CNBD1: variants seen among roughly 807,000 people sequenced by gnomAD.
CNBD1 encodes cyclic nucleotide binding domain containing 1.
A neutral mutation model predicts 54.4 loss-of-function variants in CNBD1; 71 were observed. The observed-to-expected ratio is 1.30, with a 90% CI of 1.08 to 1.59. CNBD1 has a LOEUF of 1.59. Ranked by LOEUF, CNBD1 falls within the 40% of genes most tolerant of loss-of-function variation. CNBD1 has a pLI of 0.00. For synonymous variants in CNBD1, 182 were observed against 170.7 expected (o/e 1.07, Z -0.51); for missense variants, 659 against 518.0 (o/e 1.27, Z -2.64).
chr8:86,963,110 C>T (rs1233138216), intron 4 of CNBD1, among the ~76,000 whole-genome samples: 1 of 152,130 alleles, frequency 6.6e-6, no homozygotes, highest in Non-Finnish European at 1.5e-5. Context: ...GGAGAAAAGG[C>T]ATCCCTCTTA....
At chr8:87,419,312 G>A (rs749129911) in intron 2 of CNBD1, among the ~76,000 whole-genome samples, 1 of 151,808 alleles carries the variant, frequency 6.6e-6, no homozygotes, top group Non-Finnish European at 1.5e-5. Flanking sequence ...AAGTAGAGAT[G>A]GAAAGTGAGT....
At chr8:87,341,566 A>G (rs1226054012) in intron 8 of CNBD1, among the ~76,000 whole-genome samples, 2 of 152,182 alleles carry the variant, frequency 1.3e-5, no homozygotes, top group African/African-American at 2.4e-5. Context: ...TTGCTGTTGT[A>G]ATAGTATTAA....
intron 8 of CNBD1, among the ~76,000 whole-genome samples, chr8:87,332,876 G>T (rs953126691): frequency 6.6e-6 from 1 of 152,050 alleles, no homozygotes; most frequent in African/African-American, 2.4e-5. Context: ...GGTTCCATAT[G>T]AATTTTAAAG....
intron 2 of CNBD1, among the ~76,000 whole-genome samples, chr8:87,397,480 T>C (rs1284498477): frequency 6.6e-6 from 1 of 151,888 alleles, no homozygotes; most frequent in African/African-American, 2.4e-5. Context: ...AATATAACTT[T>C]GCCACAAAAC....
chr8:87,055,209 G>A (rs113853087), intron 4 of CNBD1, among the ~76,000 whole-genome samples: 3 of 152,164 alleles, frequency 2.0e-5, no homozygotes, highest in Non-Finnish European at 4.4e-5. Context: ...AAAGAAGAAA[G>A]CTCTCCACAG....
chr8:87,045,435 G>A (rs954630612), intron 4 of CNBD1, among the ~76,000 whole-genome samples: 1 of 152,134 alleles, frequency 6.6e-6, no homozygotes, highest in African/African-American at 2.4e-5. Flanking sequence ...ATTGGCTAGA[G>A]GTGTTGATCC....
At chr8:87,181,325 A>G (rs1226448452) in intron 4 of CNBD1, among the ~76,000 whole-genome samples, 1 of 152,202 alleles carries the variant, frequency 6.6e-6, no homozygotes, top group Non-Finnish European at 1.5e-5. Flanking sequence ...TACAATTGAG[A>G]TAGTATATAA....
At chr8:87,314,679 A>G (rs987821613) in intron 8 of CNBD1, among the ~76,000 whole-genome samples, 2 of 152,046 alleles carry the variant, frequency 1.3e-5, no homozygotes, top group African/African-American at 4.8e-5. Flanking sequence ...TTTAAGAAAT[A>G]TAAAATTAAG....
intron 4 of CNBD1, among the ~76,000 whole-genome samples, chr8:87,001,596 T>C (rs1216697929): frequency 6.6e-6 from 1 of 152,210 alleles, no homozygotes; most frequent in Non-Finnish European, 1.5e-5. Context: ...GCTAATGAGC[T>C]AAAGTTGAAT....
intron 4 of CNBD1, among the ~76,000 whole-genome samples, chr8:87,142,632 A>G (rs1812393174): frequency 6.6e-6 from 1 of 152,204 alleles, no homozygotes; most frequent in Admixed American, 6.6e-5. Context: ...TACATATGCA[A>G]AAGTGTACAT....
intron 8 of CNBD1, among the ~76,000 whole-genome samples, chr8:87,325,944 G>T (rs1444762140): frequency 2.7e-5 from 3 of 112,142 alleles, no homozygotes; most frequent in Admixed American, 8.7e-5. Context: ...GCTGGTACCG[G>T]TTGTTCCTTT....
rs145621301 is a variant in CNBD1, at chr8:87,154,833, T to C, written c.432-51160T>C. On this transcript the variant is annotated intron_variant, in intron 4 of 10. Coordinates refer to ENST00000518476, the MANE Select transcript of CNBD1 (RefSeq NM_173538.3). Reference sequence around the variant, plus strand: ...TGGTCTGCCAGGCAGATCGTTAGTGTAGAACGCACCCATTTCCTTCCAGGT... The same window carrying C: ...TGGTCTGCCAGGCAGATCGTTAGTGCAGAACGCACCCATTTCCTTCCAGGT... Among the ~76,000 whole-genome samples, 19 of 152,210 alleles carry C rather than the reference T, an allele frequency of 1.2e-4. No homozygotes were observed. The East Asian group carries it at 3.1e-3, about 25-fold the overall frequency.
chr8:87,343,406 A>G (rs914273587), intron 8 of CNBD1, among the ~76,000 whole-genome samples: 3 of 152,200 alleles, frequency 2.0e-5, no homozygotes, highest in African/African-American at 7.2e-5. Flanking sequence ...AGGCGTAAGA[A>G]ATTATTAAAG....
At position 86,971,712 on chromosome 8, in the gene CNBD1, G is replaced by A. The variant is rs535678160; in HGVS notation, c.431+31958G>A. Reference sequence around the variant, plus strand: ...TTTTATATCGTTTTGTGAATATTTTGTGAATAGGATTATTTTCTTATTATA... The same window carrying A: ...TTTTATATCGTTTTGTGAATATTTTATGAATAGGATTATTTTCTTATTATA... On this transcript the variant is annotated intron_variant, in intron 4 of 10. Transcript: ENST00000518476. 1.4e-4 allele frequency among the ~76,000 whole-genome samples: 22 copies of A among 151,758 alleles called. 1 individual carries two copies. The South Asian group carries it at 4.4e-3, about 30-fold the overall frequency.
intron 10 of CNBD1, among the ~76,000 whole-genome samples, chr8:87,377,084 T>G (rs1416307105): frequency 6.7e-6 from 1 of 148,822 alleles, no homozygotes; most frequent in African/African-American, 2.5e-5. Context: ...TTATTTTATT[T>G]TATTTCTTAT....
At chr8:87,154,004 G>A (rs567052198) in intron 4 of CNBD1, among the ~76,000 whole-genome samples, 51 of 152,292 alleles carry the variant, frequency 3.3e-4, no homozygotes, top group African/African-American at 1.2e-3. Context: ...AATATGGCAA[G>A]TGTTGAGACG....
intron 6 of CNBD1, among the ~76,000 whole-genome samples, chr8:87,259,828 G>T (rs577821439): frequency 1.1e-4 from 17 of 152,222 alleles, no homozygotes; most frequent in East Asian, 9.7e-4. Flanking sequence ...TTTTAATTAA[G>T]CTGAGTTTTA....
At chr8:87,359,864 T>C (rs973521762) in intron 10 of CNBD1, among the ~76,000 whole-genome samples, 2 of 152,024 alleles carry the variant, frequency 1.3e-5, no homozygotes, top group East Asian at 1.9e-4. Flanking sequence ...TTTGAGAAAG[T>C]CCACTAAAAA....
chr8:87,112,416 T>G (rs985964763), intron 4 of CNBD1, among the ~76,000 whole-genome samples: 11 of 152,168 alleles, frequency 7.2e-5, no homozygotes, highest in Non-Finnish European at 4.4e-5. Flanking sequence ...CACAATTAAG[T>G]CCTAGTCTTG....
Sources: gnomAD v4.1 joint callset for allele counts (sites outside exome capture counted in the v4.1 genomes callset) on GRCh38, gnomAD v4.1.1 for gene constraint, MANE v1.5 for transcripts, NCBI Gene and HGNC (gene_info 2026-07-23, HGNC 2026-07-21) for gene names.